TRAP1: variants seen among roughly 807,000 people sequenced by gnomAD.
TRAP1 encodes heat shock protein 75 kDa, mitochondrial.
TRAP1 carries 102 observed loss-of-function variants against 89.1 expected under a neutral mutation model. That is an observed-to-expected ratio of 1.15 (90% confidence interval 0.98 to 1.35). TRAP1 has a LOEUF of 1.35. TRAP1 is among the 40% of genes most tolerant of loss of function. The probability of loss-of-function intolerance (pLI) is 0.00; values close to 1 mark genes in which losing one functional copy is unlikely to be tolerated. For missense variants in TRAP1, 1,256 were observed against 945.3 expected (o/e 1.33, Z -4.31); for synonymous variants, 508 against 388.0 (o/e 1.31, Z -3.64).
rs117350632 is a variant in TRAP1, at chr16:3,678,093, C to T, written c.544-435G>A. The T allele has an allele frequency of 9.1e-4, 151 of 166,680 alleles. 4 individuals carry two copies. In the East Asian group the frequency reaches 0.023, roughly 26 times the overall value. 10.3% of individuals were successfully genotyped at this position (166,680 alleles called of 1,614,324 possible). On this transcript the variant is annotated intron_variant, in intron 5 of 17. Transcript: ENST00000246957. ...TTTGTGGGAAAAAGAGTAGAAATCA[C>T]GCGCATGCGTCTGTAAGCACCGCAC... is the stretch of plus-strand genomic sequence containing the variant.
At chr16:3,688,338 C>G (rs1014140612) in intron 3 of TRAP1, among the ~76,000 whole-genome samples, 2 of 152,126 alleles carry the variant, frequency 1.3e-5, no homozygotes, top group Admixed American at 6.6e-5. Context: ...CTCCTCCCTG[C>G]TCCATACACA....
intron 11 of TRAP1, among the ~76,000 whole-genome samples, chr16:3,668,797 G>C (rs1332612988): frequency 6.6e-6 from 1 of 152,192 alleles, no homozygotes; most frequent in Non-Finnish European, 1.5e-5. Context: ...CCACAACTAT[G>C]AGTGAGGACT....
chr16:3,686,116 G>C lies in TRAP1; in HGVS notation c.351C>G (p.Ile117Met), dbSNP rs2051135428. 1.2e-6 allele frequency: 2 copies of C among 1,614,140 alleles called. No homozygotes were observed. The highest frequency in any genetic ancestry group is 2.2e-5 in the South Asian group (2 of 91,072). The change falls in exon 4 of 18, where the codon ATC (isoleucine) becomes ATG (methionine). Residue 117 changes from isoleucine to methionine, a missense_variant. Physicochemically the swap from Ile to Met is conservative, Grantham distance 10 (BLOSUM62 1). Transcript: ENST00000246957. ...SEKEVFIREL[I>M]SNASDALEKL... ...TTTCCAAGGCATCGCTGGCATTGGAGATCAGCTCCCGTATAAACACCTACA... is the reference window on the plus strand; with the variant it reads ...TTTCCAAGGCATCGCTGGCATTGGACATCAGCTCCCGTATAAACACCTACA...
chr16:3,662,693 C>T (rs1487132818), intron 15 of TRAP1, 189 bp downstream of exon 15: 4 of 699,456 alleles, frequency 5.7e-6, no homozygotes, highest in Non-Finnish European at 1.0e-5. Context: ...AAAGACACGG[C>T]CTTCCTGCCT....
chr16:3,699,833 A>G (rs2051341365), intron 1 of TRAP1, among the ~76,000 whole-genome samples: 1 of 147,204 alleles, frequency 6.8e-6, no homozygotes, highest in Non-Finnish European at 1.5e-5. Context: ...ACACAGGACT[A>G]AATTCTTTTT....
intron 1 of TRAP1, among the ~76,000 whole-genome samples, chr16:3,716,938 G>A (rs2051605275): frequency 6.6e-6 from 1 of 152,228 alleles, no homozygotes; most frequent in Non-Finnish European, 1.5e-5. Flanking sequence ...GCGCTCACAT[G>A]TGCGTCCAAT....
intron 4 of TRAP1, among the ~76,000 whole-genome samples, chr16:3,685,444 C>G (rs2051126227): frequency 6.6e-6 from 1 of 152,136 alleles, no homozygotes; most frequent in Non-Finnish European, 1.5e-5. Flanking sequence ...TCAGATCCCA[C>G]CGAGGCCAGT....
chr16:3,659,643 A>G (rs574588113), intron 16 of TRAP1: 1 of 152,308 alleles, frequency 6.6e-6, no homozygotes, highest in African/African-American at 2.4e-5. Context: ...GTAAATTTGT[A>G]CAACCTCTCC....
intron 12 of TRAP1, 128 bp downstream of exon 12, chr16:3,665,843 G>A (rs1567225724): frequency 8.3e-7 from 1 of 1,200,968 alleles, no homozygotes. Context: ...TGACCCTGGT[G>A]GCAGCAGCAG....
At chr16:3,681,413 T>TAAA (rs1411446893) in intron 4 of TRAP1, among the ~76,000 whole-genome samples, 2 of 152,178 alleles carry the variant, frequency 1.3e-5, no homozygotes, top group Non-Finnish European at 2.9e-5. Context: ...CTTCCCATTG[T>TAAA]AGGCAGCACA....
Position 3,662,412 on chromosome 16 carries a change from C to G in TRAP1, c.1795-280G>C. ...TCCATCGTCCTCTGCTCCATGCCAG[C>G]CCACCCTGCATGAGGCCCCTTCCTC... On this transcript the variant is annotated intron_variant, in intron 15 of 17. Coordinates refer to ENST00000246957, the MANE Select transcript of TRAP1 (RefSeq NM_016292.3). The G allele has an allele frequency of 1.4e-5, 8 of 566,242 alleles. No individual in the cohort carries two copies. In the South Asian group the frequency reaches 1.7e-4, roughly 12 times the overall value. 35.1% of individuals were successfully genotyped at this position (566,242 alleles called of 1,614,324 possible).
At chr16:3,712,016 C>T (rs1302419820) in intron 1 of TRAP1, among the ~76,000 whole-genome samples, 1 of 149,328 alleles carries the variant, frequency 6.7e-6, no homozygotes, top group Non-Finnish European at 1.5e-5. Flanking sequence ...TCAGGCCCGA[C>T]GTGGTAGCTC....
chr16:3,696,151 G>A (rs1596739424), intron 1 of TRAP1, among the ~76,000 whole-genome samples: 1 of 152,160 alleles, frequency 6.6e-6, no homozygotes, highest in Non-Finnish European at 1.5e-5. Context: ...CCTTTGTCCT[G>A]GCAAACTAGG....
intron 1 of TRAP1, among the ~76,000 whole-genome samples, chr16:3,706,635 AT>A (rs1164783580): frequency 6.6e-6 from 1 of 150,660 alleles, no homozygotes; most frequent in African/African-American, 2.4e-5. Flanking sequence ...ATTTTTAAAA[AT>A]TTTTTTTCGA....
chr16:3,694,867 T>G (rs769065311), intron 1 of TRAP1, among the ~76,000 whole-genome samples: 4 of 152,080 alleles, frequency 2.6e-5, no homozygotes, highest in Non-Finnish European at 4.4e-5. Context: ...AGACACTTAT[T>G]CTCTCACAGT....
rs201211570 is a variant in TRAP1, at chr16:3,662,044, G to A, written c.1883C>T (p.Ala628Val). Residue 628 changes from alanine (A) to valine (V), a missense_variant, in exon 16 of 18, where the codon GCC becomes GTC. By Grantham distance (64) the Ala-to-Val change is moderately conservative. Coordinates refer to ENST00000246957, the MANE Select transcript of TRAP1 (RefSeq NM_016292.3). ...CTGTGCGCGCTCCTCCTGGGTCTTG[G>A]CCAGCTGCTGCATGCGCAGGAAGTG... ...ARHFLRMQQLAKTQEERAQLL... is the reference protein window; with the variant it reads ...ARHFLRMQQLVKTQEERAQLL... 146 of 1,613,228 alleles carry A rather than the reference G, an allele frequency of 9.1e-5. No homozygotes were observed. The highest frequency in any genetic ancestry group is 1.2e-4 in the Non-Finnish European group (137 of 1,179,964).
At position 3,686,223 on chromosome 16, in the gene TRAP1, T is replaced by C. The variant is rs956634059; in HGVS notation, c.331-87A>G. ...GGTCAGCTGCACTTCCAATAACTGT[T>C]AAAAGGTAGAGGAGAATAGTCAATT... is the stretch of plus-strand genomic sequence containing the variant. On this transcript the variant is annotated intron_variant, in intron 3 of 17. Transcript: ENST00000246957. 8.9e-6 allele frequency: 13 copies of C among 1,463,180 alleles called. No individual in the cohort carries two copies. The African/African-American group carries it at 1.5e-4, about 17-fold the overall frequency. The allele number at this position is 1,463,180 out of a possible 1,614,324, so 90.6% of individuals were successfully genotyped here.
chr16:3,659,760 G>A (rs1432879443), intron 16 of TRAP1: 2 of 143,254 alleles, frequency 1.4e-5, no homozygotes, highest in Non-Finnish European at 3.2e-5. Flanking sequence ...TAGATAGATA[G>A]ATAGATAGAT....
At chr16:3,667,248 G>T (rs2050846788) in intron 11 of TRAP1, among the ~76,000 whole-genome samples, 1 of 152,176 alleles carries the variant, frequency 6.6e-6, no homozygotes, top group East Asian at 1.9e-4. Context: ...GCCCAAGTAG[G>T]TGACAGGGAC....
Sources: gnomAD v4.1 joint callset for allele counts (sites outside exome capture counted in the v4.1 genomes callset) on GRCh38, gnomAD v4.1.1 for gene constraint, MANE v1.5 for transcripts, NCBI Gene and HGNC (gene_info 2026-07-23, HGNC 2026-07-21) for gene names.